The following AGMO variants were observed in gnomAD, a reference collection of about 807,000 sequenced individuals.
The protein encoded by AGMO is glyceryl-ether monooxygenase.
A neutral mutation model predicts 60.2 loss-of-function variants in AGMO; 75 were observed. That is an observed-to-expected ratio of 1.25 (90% CI 1.03 to 1.51). AGMO has a LOEUF of 1.51. AGMO is among the 40% of genes most tolerant of loss of function. The pLI is 0.00. For synonymous variants in AGMO, 261 were observed against 177.1 expected (o/e 1.47, Z -3.76); for missense variants, 763 against 525.5 (o/e 1.45, Z -4.42).
chr7:15,337,264 G>A (rs568828409), intron 12 of AGMO, among the ~76,000 whole-genome samples: 9 of 152,248 alleles, frequency 5.9e-5, no homozygotes, highest in Non-Finnish European at 8.8e-5. Context: ...AATAATGCAG[G>A]AAATATGCAA....
At chr7:15,493,482 T>C (rs1052366720) in intron 3 of AGMO, among the ~76,000 whole-genome samples, 1 of 146,308 alleles carries the variant, frequency 6.8e-6, no homozygotes, top group African/African-American at 2.5e-5. Flanking sequence ...CACGCCATTC[T>C]CCTGCCTCAG....
At chr7:15,259,695 T>C (rs1200293205) in intron 12 of AGMO, among the ~76,000 whole-genome samples, 1 of 151,992 alleles carries the variant, frequency 6.6e-6, no homozygotes, top group Admixed American at 6.5e-5. Context: ...ACCTATCAGA[T>C]TAACCGCAGG....
At chr7:15,514,021 A>G (rs539156013) in intron 3 of AGMO, among the ~76,000 whole-genome samples, 2 of 152,122 alleles carry the variant, frequency 1.3e-5, no homozygotes, top group African/African-American at 4.8e-5. Context: ...TTGGATCTCA[A>G]TCTCTCTCAA....
At chr7:15,141,033 C>T in the AGMO span, among the ~76,000 whole-genome samples, 1 of 152,084 alleles carries the variant, frequency 6.6e-6, no homozygotes, top group African/African-American at 2.4e-5. Flanking sequence ...AGGGAGCTAA[C>T]AAATGAGACC....
chr7:15,301,722 G>A (rs926436931), intron 12 of AGMO, among the ~76,000 whole-genome samples: 1 of 152,058 alleles, frequency 6.6e-6, no homozygotes. Context: ...AAGAAAAAAT[G>A]ACTATAATAA....
intron 12 of AGMO, among the ~76,000 whole-genome samples, chr7:15,291,604 A>AC (rs1402511738): frequency 1.3e-4 from 20 of 151,558 alleles, no homozygotes; most frequent in African/African-American, 4.8e-4. Context: ...ACACACACAC[A>AC]AAAAAAAACT....
chr7:15,500,236 C>T (rs1407997622), intron 3 of AGMO, among the ~76,000 whole-genome samples: 1 of 151,732 alleles, frequency 6.6e-6, no homozygotes, highest in Non-Finnish European at 1.5e-5. Context: ...ATTTCTAGTG[C>T]TTTTAAACTG....
At chr7:15,430,049 G>A (rs1781183018) in intron 4 of AGMO, among the ~76,000 whole-genome samples, 1 of 151,906 alleles carries the variant, frequency 6.6e-6, no homozygotes, top group Non-Finnish European at 1.5e-5. Context: ...TATAGACTCA[G>A]CTCTACTATT....
rs560830677 is a variant in AGMO, at chr7:15,241,119, T to C, written c.1264-39760A>G. Among the ~76,000 whole-genome samples, 6 of 152,008 alleles carry C rather than the reference T, an allele frequency of 3.9e-5. No individual in the cohort carries two copies. In the East Asian group the frequency reaches 1.2e-3, roughly 30 times the overall value. On this transcript the variant is annotated intron_variant, in intron 12 of 12. Coordinates refer to ENST00000342526, the MANE Select transcript of AGMO (RefSeq NM_001004320.2). ...TCAGGAAAAGTGAATATCCCAGAGA[T>C]AGAATGCGCTCACTCTGGTAGGTAT...
chr7:15,266,207 T>G (rs1352182645), intron 12 of AGMO, among the ~76,000 whole-genome samples: 1 of 152,046 alleles, frequency 6.6e-6, no homozygotes, highest in Non-Finnish European at 1.5e-5. Context: ...AGTTATTGTT[T>G]AATAGGTATT....
At chr7:15,325,874 G>A (rs776952042) in intron 12 of AGMO, among the ~76,000 whole-genome samples, 3 of 151,798 alleles carry the variant, frequency 2.0e-5, no homozygotes, top group East Asian at 1.9e-4. Context: ...TTGGTTGTTC[G>A]CAATTTGTTT....
At chr7:15,547,550 G>T (rs1257575346) in intron 2 of AGMO, among the ~76,000 whole-genome samples, 2 of 152,132 alleles carry the variant, frequency 1.3e-5, no homozygotes, top group Non-Finnish European at 2.9e-5. Flanking sequence ...CAAAGAAAGG[G>T]GTGACAGACG....
At chr7:15,181,116 T>C in the AGMO span, among the ~76,000 whole-genome samples, 1 of 152,194 alleles carries the variant, frequency 6.6e-6, no homozygotes, top group Admixed American at 6.5e-5. Context: ...CTCTTAATAT[T>C]GTTACAAAGA....
At chr7:15,506,629 A>G (rs1293708297) in intron 3 of AGMO, among the ~76,000 whole-genome samples, 1 of 152,098 alleles carries the variant, frequency 6.6e-6, no homozygotes, top group Non-Finnish European at 1.5e-5. Context: ...TTTCTCAAAT[A>G]TTATTTGGCA....
At chr7:15,370,150 C>T (rs1276835697) in intron 10 of AGMO, among the ~76,000 whole-genome samples, 1 of 152,072 alleles carries the variant, frequency 6.6e-6, no homozygotes. Context: ...TAAGAACTTG[C>T]AATATTTGGT....
At chr7:15,343,176 A>T (rs959444709) in intron 12 of AGMO, among the ~76,000 whole-genome samples, 8 of 152,140 alleles carry the variant, frequency 5.3e-5, no homozygotes, top group Non-Finnish European at 1.0e-4. Flanking sequence ...GTGATAACAT[A>T]TCTCCCCACT....
intron 12 of AGMO, among the ~76,000 whole-genome samples, chr7:15,291,998 A>G (rs1331503856): frequency 6.6e-6 from 1 of 152,180 alleles, no homozygotes; most frequent in East Asian, 1.9e-4. Context: ...AGACTCAAGT[A>G]AGCCAATAAA....
rs528699917 is a variant in AGMO at position 15,292,154 on chromosome 7, C to G, written c.1263+73360G>C. ...TAGAAGGAAGCTGTAATATGCTGTG[C>G]AAGAGGTGATGAGGGTTTAACCTGG... On this transcript the variant is annotated intron_variant, in intron 12 of 12. Transcript: ENST00000342526. Among the ~76,000 whole-genome samples, 3 of 152,182 alleles carry G rather than the reference C, an allele frequency of 2.0e-5. No homozygotes were observed. The South Asian group carries it at 6.2e-4, about 32-fold the overall frequency.
At chr7:15,225,029 G>A (rs1232593164) in intron 12 of AGMO, among the ~76,000 whole-genome samples, 1 of 151,836 alleles carries the variant, frequency 6.6e-6, no homozygotes, top group Non-Finnish European at 1.5e-5. Context: ...AGTTTGGGGA[G>A]ACATCATTAA....
Sources: allele counts gnomAD v4.1 joint callset (sites outside exome capture counted in the v4.1 genomes callset), GRCh38; gene constraint gnomAD v4.1.1; transcripts MANE v1.5; gene names NCBI Gene and HGNC (gene_info 2026-07-23, HGNC 2026-07-21).